COL14A1: variants seen among roughly 807,000 people sequenced by gnomAD.
COL14A1 encodes collagen type XIV alpha 1 chain.
Under a neutral mutation model 230.3 loss-of-function variants are expected in COL14A1, and 136 were observed. That is an observed-to-expected ratio of 0.59 (90% CI 0.51 to 0.68). The LOEUF (loss-of-function observed/expected upper bound fraction) is 0.68, where lower values mean the gene tolerates loss of function less well. COL14A1 is among the 30% of genes least tolerant of loss of function. The pLI is 0.00. For synonymous variants in COL14A1, 792 were observed against 784.1 expected (o/e 1.01, Z -0.17); for missense variants, 1,976 against 2,215.8 (o/e 0.89, Z 2.17).
intron 23 of COL14A1, among the ~76,000 whole-genome samples, chr8:120,255,914 C>T (rs1819135082): frequency 6.6e-6 from 1 of 151,692 alleles, no homozygotes; most frequent in African/African-American, 2.4e-5. Flanking sequence ...GGGACTTGTT[C>T]CAAGGCTGAA....
chr8:120,331,626 A>AGTAAATCT lies in COL14A1; in HGVS notation c.4660-512_4660-505dup, dbSNP rs1401013050. ...CATTTGTAAGCCCACGATGACACTCAGTAAATCTGTCCAGTAGTCAAAGCT... is the reference window on the plus strand; with the variant it reads ...CATTTGTAAGCCCACGATGACACTCAGTAAATCTGTAAATCTGTCCAGTAGTCAAAGCT... On this transcript the variant is annotated intron_variant, in intron 40 of 47. Coordinates refer to ENST00000297848, the MANE Select transcript of COL14A1 (RefSeq NM_021110.4). 5.1e-4 allele frequency among the ~76,000 whole-genome samples: 77 copies of AGTAAATCT among 152,350 alleles called. 1 individual carries two copies. The highest frequency in any genetic ancestry group is 4.9e-3 in the Admixed American group (75 of 15,302).
At chr8:120,284,064 C>A (rs149690618) in intron 32 of COL14A1, among the ~76,000 whole-genome samples, 1 of 152,286 alleles carries the variant, frequency 6.6e-6, no homozygotes, top group African/African-American at 2.4e-5. Flanking sequence ...AAACTACAGA[C>A]AGAGCAAGGC....
chr8:120,304,636 T>A (rs1274109321), intron 36 of COL14A1, among the ~76,000 whole-genome samples: 1 of 152,250 alleles, frequency 6.6e-6, no homozygotes, highest in East Asian at 1.9e-4. Context: ...TGTCTAATAT[T>A]AATATAGTTT....
At chr8:120,200,715 T>TTATATATATATATATA (rs34177030) in intron 8 of COL14A1, among the ~76,000 whole-genome samples, 3 of 85,776 alleles carry the variant, frequency 3.5e-5, no homozygotes, top group African/African-American at 4.3e-5. Context: ...GTTTTCCTAT[T>TTATATATATATATATA]TATATATATA....
At chr8:120,280,629 G>C in intron 29 of COL14A1, 82 bp from the exon 30 acceptor site, 2 of 1,286,278 alleles carry the variant, frequency 1.6e-6, no homozygotes, top group Non-Finnish European at 2.2e-6. Flanking sequence ...GATTGTATTA[G>C]TTTCCTGTTC....
chr8:120,340,170 A>C (rs1288623967), intron 42 of COL14A1, among the ~76,000 whole-genome samples: 1 of 150,662 alleles, frequency 6.6e-6, no homozygotes, highest in Non-Finnish European at 1.5e-5. Flanking sequence ...GGAGGAGAGG[A>C]GAGAAGATAG....
At chr8:120,130,102 A>C (rs1814479216) in intron 1 of COL14A1, among the ~76,000 whole-genome samples, 1 of 152,224 alleles carries the variant, frequency 6.6e-6, no homozygotes, top group African/African-American at 2.4e-5. Context: ...GCCTCTGATA[A>C]GACAAAAACT....
chr8:120,303,538 T>G (rs1168988169), intron 36 of COL14A1, among the ~76,000 whole-genome samples: 1 of 152,326 alleles, frequency 6.6e-6, no homozygotes, highest in South Asian at 2.1e-4. Context: ...TGAATCACAT[T>G]TATTGATTTG....
intron 8 of COL14A1, among the ~76,000 whole-genome samples, chr8:120,202,861 A>G (rs1018467926): frequency 6.6e-6 from 1 of 151,846 alleles, no homozygotes; most frequent in African/African-American, 2.4e-5. Flanking sequence ...TGGAAGGACC[A>G]GGAATTTTCT....
chr8:120,362,451 CAG>C (rs1026607581), intron 45 of COL14A1, among the ~76,000 whole-genome samples: 8 of 152,194 alleles, frequency 5.3e-5, no homozygotes, highest in African/African-American at 1.9e-4. Context: ...ATTGCTTTAA[CAG>C]ATATTTCTTG....
intron 42 of COL14A1, among the ~76,000 whole-genome samples, chr8:120,340,942 T>G (rs2290521): frequency 0.5 from 75,415 of 152,024 alleles, 19,243 homozygotes; most frequent in African/African-American, 0.63. Context: ...TAACTATTCA[T>G]CAGAGATTTG....
At chr8:120,322,639 A>G (rs993945858) in intron 40 of COL14A1, among the ~76,000 whole-genome samples, 4 of 152,208 alleles carry the variant, frequency 2.6e-5, no homozygotes. Flanking sequence ...AAGTGAGAAC[A>G]TGCAGAATCT....
intron 5 of COL14A1, among the ~76,000 whole-genome samples, chr8:120,179,102 G>A (rs1301381679): frequency 4.6e-5 from 7 of 151,954 alleles, no homozygotes; most frequent in Non-Finnish European, 1.0e-4. Context: ...TGTCAATTTT[G>A]GCTTTTGTTG....
At chr8:120,198,078 A>C (rs1343105065) in intron 7 of COL14A1, 148 bp downstream of exon 7, 6 of 774,170 alleles carry the variant, frequency 7.8e-6, no homozygotes, top group Non-Finnish European at 1.2e-5. Flanking sequence ...CAAACTCAGC[A>C]TTGAGTTAAA....
intron 14 of COL14A1, among the ~76,000 whole-genome samples, chr8:120,222,139 A>G (rs868201371): frequency 1.3e-5 from 2 of 152,198 alleles, no homozygotes; most frequent in African/African-American, 4.8e-5. Context: ...AATTTTTGGA[A>G]TCACATTTTT....
intron 26 of COL14A1, among the ~76,000 whole-genome samples, chr8:120,275,770 A>C (rs2129862201): frequency 6.6e-6 from 1 of 152,204 alleles, no homozygotes; most frequent in Middle Eastern, 3.4e-3. Flanking sequence ...GCAGATTAAA[A>C]CCACAATGAG....
Position 120,207,025 on chromosome 8 carries a change from T to C in COL14A1, c.1122T>C (p.Thr374=). ...VTARSFMVNW[T]HAPGNVEKYR... ...CCAGAAGCTTTATGGTTAACTGGAC[T>C]CATGCCCCAGGAAATGTGGAAAAAT... is the stretch of plus-strand genomic sequence containing the variant. Residue 374 remains threonine, a synonymous_variant, in exon 10 of 48, where the codon ACT becomes ACC. Transcript: ENST00000297848. 6.2e-7 allele frequency: 1 copy of C among 1,613,956 alleles called. No individual in the cohort carries two copies. The highest frequency in any genetic ancestry group is 1.1e-5 in the South Asian group (1 of 91,044).
chr8:120,266,054 T>C lies in COL14A1; in HGVS notation c.3017-773T>C. Among the ~76,000 whole-genome samples the C allele has an allele frequency of 1.3e-5, 2 of 152,112 alleles. 1 individual carries two copies. ...AACTGGGATAGCGAGAAGAATTTTC[T>C]TAGTTTTTCTTAAATCTTTAGTGTC... On this transcript the variant is annotated intron_variant, in intron 24 of 47. Transcript: ENST00000297848.
chr8:120,281,481 C>T (rs1208163224), intron 31 of COL14A1, among the ~76,000 whole-genome samples: 2 of 150,938 alleles, frequency 1.3e-5, no homozygotes, highest in Non-Finnish European at 2.9e-5. Context: ...GGGAGGATTG[C>T]TTGAGCTCAG....
Sources: gnomAD v4.1 joint callset for allele counts (sites outside exome capture counted in the v4.1 genomes callset) on GRCh38, gnomAD v4.1.1 for gene constraint, MANE v1.5 for transcripts, NCBI Gene and HGNC (gene_info 2026-07-23, HGNC 2026-07-21) for gene names.